The following PKIB variants were observed in gnomAD, a reference collection of about 807,000 sequenced individuals.
PKIB encodes PKI-beta.
A neutral mutation model predicts 4.5 loss-of-function variants in PKIB; 2 were observed. That is an observed-to-expected ratio of 0.44 (90% CI 0.18 to 1.39). The LOEUF (loss-of-function observed/expected upper bound fraction) is 1.39. Among genes scored for constraint, PKIB ranks in the 40% most tolerant of loss-of-function variants. The pLI, the probability that PKIB is intolerant of heterozygous loss-of-function variation, is 0.27. For synonymous variants in PKIB, 38 were observed against 36.0 expected (o/e 1.06, Z -0.20); for missense variants, 94 against 92.6 (o/e 1.02, Z -0.06).
At chr6:122,712,169 A>G (rs1779294240) in intron 3 of PKIB, among the ~76,000 whole-genome samples, 1 of 152,204 alleles carries the variant, frequency 6.6e-6, no homozygotes, top group Non-Finnish European at 1.5e-5. Context: ...TTTATTTCCA[A>G]ATAATAGGAT....
chr6:122,675,653 T>G (rs748984924), intron 3 of PKIB, among the ~76,000 whole-genome samples: 1 of 152,210 alleles, frequency 6.6e-6, no homozygotes, highest in Non-Finnish European at 1.5e-5. Context: ...AAAGGCCTAT[T>G]ATTGTCCTAT....
rs1381363220 is a variant in PKIB at position 122,675,113 on chromosome 6, C to T, written c.-40C>T. 4 of 152,136 alleles carry T rather than the reference C, an allele frequency of 2.6e-5. No individual in the cohort carries two copies. The highest frequency in any genetic ancestry group is 4.4e-5 in the Non-Finnish European group (3 of 67,984). The allele number at this position is 152,136 out of a possible 1,614,324, so 9.4% of individuals were successfully genotyped here. On this transcript the variant is annotated 5_prime_UTR_variant, in exon 3 of 5. Coordinates refer to ENST00000368452, the MANE Select transcript of PKIB (RefSeq NM_181795.3). ...TTATCAGAATTTTTTAAACCTGTCT[C>T]AGAAATAACAACATATTTTAATCAG...
At chr6:122,573,308 A>C (rs1773424937) in intron 2 of PKIB, among the ~76,000 whole-genome samples, 1 of 152,124 alleles carries the variant, frequency 6.6e-6, no homozygotes, top group African/African-American at 2.4e-5. Context: ...TGATCTTATC[A>C]CTTAAACCCA....
intron 3 of PKIB, among the ~76,000 whole-genome samples, chr6:122,691,683 A>C (rs771030204): frequency 5.9e-5 from 9 of 151,948 alleles, no homozygotes; most frequent in Middle Eastern, 3.4e-3. Flanking sequence ...TTTCCCCAGG[A>C]TTGGTCCCTG....
chr6:122,697,977 C>T (rs1778639870), intron 3 of PKIB, among the ~76,000 whole-genome samples: 1 of 152,032 alleles, frequency 6.6e-6, no homozygotes, highest in Non-Finnish European at 1.5e-5. Flanking sequence ...TAAAGTGAGA[C>T]CCTTAGGCAA....
intron 3 of PKIB, among the ~76,000 whole-genome samples, chr6:122,692,302 G>C (rs1254533042): frequency 6.6e-6 from 1 of 152,212 alleles, no homozygotes; most frequent in African/African-American, 2.4e-5. Context: ...GGCACATTGA[G>C]TGAATTCAGA....
chr6:122,599,052 C>A (rs1774271339), intron 3 of PKIB, among the ~76,000 whole-genome samples: 4 of 152,186 alleles, frequency 2.6e-5, no homozygotes, highest in Admixed American at 6.5e-5. Context: ...CTAGGGTCCA[C>A]TGGTAGCTTA....
intron 1 of PKIB, chr6:122,472,107 G>T (rs1213893493): frequency 4.5e-6 from 1 of 223,280 alleles, no homozygotes; most frequent in Non-Finnish European, 8.8e-6. Flanking sequence ...GAACAGAGCT[G>T]AGGTGGTGGT....
chr6:122,714,427 A>C (rs1391708893), intron 3 of PKIB, among the ~76,000 whole-genome samples: 1 of 152,230 alleles, frequency 6.6e-6, no homozygotes, highest in African/African-American at 2.4e-5. Context: ...AATTTTAACA[A>C]ACTTTTAGAT....
At chr6:122,702,774 T>G (rs1279931020) in intron 3 of PKIB, among the ~76,000 whole-genome samples, 2 of 152,194 alleles carry the variant, frequency 1.3e-5, no homozygotes, top group Non-Finnish European at 2.9e-5. Context: ...AGAGAATTTT[T>G]TTCACTATTT....
intron 2 of PKIB, chr6:122,477,982 G>A (rs1201229034): frequency 1.3e-5 from 2 of 152,058 alleles, no homozygotes; most frequent in Admixed American, 6.6e-5. Context: ...ATATTTTCTA[G>A]TATTAAGGTC....
intron 2 of PKIB, among the ~76,000 whole-genome samples, chr6:122,563,678 G>A (rs570088256): frequency 6.6e-6 from 1 of 152,208 alleles, no homozygotes; most frequent in Admixed American, 6.5e-5. Context: ...CAGGTCACTG[G>A]AGTTGTGTAC....
At chr6:122,715,157 A>G (rs1189394188) in intron 3 of PKIB, among the ~76,000 whole-genome samples, 1 of 152,072 alleles carries the variant, frequency 6.6e-6, no homozygotes, top group Non-Finnish European at 1.5e-5. Context: ...TTCATTTAAA[A>G]TGTCCCATCT....
Position 122,680,892 on chromosome 6 carries a change from G to C in PKIB, c.-9+5748G>C, listed in dbSNP as rs574471790. ...ACTTAAAATCCTTCAATGACCTCCT[G>C]TTACTATTAGGATAGAATAAATTCT... On this transcript the variant is annotated intron_variant, in intron 3 of 4. Coordinates refer to ENST00000368452, the MANE Select transcript of PKIB (RefSeq NM_181795.3). Among the ~76,000 whole-genome samples, 4 of 152,210 alleles carry C rather than the reference G, an allele frequency of 2.6e-5. No homozygotes were observed. In the East Asian group the frequency reaches 7.7e-4, roughly 29 times the overall value.
rs535644030 is a variant in PKIB at position 122,579,320 on chromosome 6, G to A, written c.-247-6601G>A. On this transcript the variant is annotated intron_variant, in intron 2 of 6. Coordinates refer to the PKIB transcript ENST00000392491. ...CTTTGCAATTGTGTTTGCGGTGCAT[G>A]GAATATCCTCCCTTTCCTCCTCTAT... 2.4e-3 allele frequency among the ~76,000 whole-genome samples: 364 copies of A among 152,228 alleles called. 3 individuals are homozygous for A. Among genetic ancestry groups the A allele is most frequent in the African/African-American group, 8.6e-3 (356 of 41,522 alleles).
intron 2 of PKIB, among the ~76,000 whole-genome samples, chr6:122,565,923 T>C (rs1033398108): frequency 7.2e-5 from 11 of 152,220 alleles, no homozygotes; most frequent in African/African-American, 2.7e-4. Context: ...TCTTACCACT[T>C]TTACCTCTGT....
chr6:122,521,952 G>A (rs1272017037), intron 2 of PKIB, among the ~76,000 whole-genome samples: 1 of 152,022 alleles, frequency 6.6e-6, no homozygotes, highest in African/African-American at 2.4e-5. Context: ...CGTCTCCTTT[G>A]CAAAACTTGA....
At chr6:122,573,021 C>T (rs777895721) in intron 2 of PKIB, among the ~76,000 whole-genome samples, 19 of 152,224 alleles carry the variant, frequency 1.2e-4, no homozygotes, top group Non-Finnish European at 2.5e-4. Flanking sequence ...CAGATGGATT[C>T]ATAGCTGAAT....
rs1323005656 is a variant in PKIB, at chr6:122,702,809, G to A, written c.-8-14978G>A. Among the ~76,000 whole-genome samples, 4 of 151,880 alleles carry A rather than the reference G, an allele frequency of 2.6e-5. No individual in the cohort carries two copies. In the East Asian group the frequency reaches 7.7e-4, roughly 29 times the overall value. Reference sequence around the variant, plus strand: ...TGAGAAGAATATATTTTAGTACTGTGGCATAATGTATAACTTTTTATAATA... The same window carrying A: ...TGAGAAGAATATATTTTAGTACTGTAGCATAATGTATAACTTTTTATAATA... On this transcript the variant is annotated intron_variant, in intron 3 of 4. Coordinates refer to ENST00000368452, the MANE Select transcript of PKIB (RefSeq NM_181795.3).
Sources: gnomAD v4.1 joint callset for allele counts (sites outside exome capture counted in the v4.1 genomes callset) on GRCh38, gnomAD v4.1.1 for gene constraint, MANE v1.5 for transcripts, NCBI Gene and HGNC (gene_info 2026-07-23, HGNC 2026-07-21) for gene names.